The following DPP6 variants were observed in gnomAD, a reference collection of about 807,000 sequenced individuals.
DPP6 encodes A-type potassium channel modulatory protein DPP6.
In DPP6, 69 loss-of-function variants were observed where a neutral mutation model predicts 122.6. That is an observed-to-expected ratio of 0.56 (90% CI 0.46 to 0.69). DPP6 has a LOEUF of 0.69. DPP6 is among the 30% of genes least tolerant of loss of function. The pLI is 0.00. For missense variants in DPP6, 928 were observed against 1,116.9 expected, an observed-to-expected ratio of 0.83 and a Z score of 2.41; for synonymous variants, 418 against 433.1, an observed-to-expected ratio of 0.97 and a Z score of 0.43.
intron 8 of DPP6, among the ~76,000 whole-genome samples, chr7:154,751,561 G>A (rs1409569488): frequency 6.8e-6 from 1 of 147,434 alleles, no homozygotes; most frequent in Non-Finnish European, 1.5e-5. Context: ...AATGAGCTGA[G>A]ATCGTGCCAC....
intron 16 of DPP6, among the ~76,000 whole-genome samples, chr7:154,852,484 C>CTCTCCTGCT (rs1802484527): frequency 1.4e-5 from 2 of 146,990 alleles, no homozygotes; most frequent in African/African-American, 5.0e-5. Flanking sequence ...GCTCTCCTGC[C>CTCTCCTGCT]TCTCCTGCCT....
chr7:154,110,471 A>AT (rs1458387207), intron 1 of DPP6, among the ~76,000 whole-genome samples: 1 of 152,190 alleles, frequency 6.6e-6, no homozygotes, highest in Non-Finnish European at 1.5e-5. Flanking sequence ...TGAATATACA[A>AT]TAACAGCCAG....
chr7:154,587,944 C>T (rs1324411787), intron 5 of DPP6: 10 of 1,612,812 alleles, frequency 6.2e-6, no homozygotes, highest in African/African-American at 2.7e-5. Flanking sequence ...CACCAGGCTT[C>T]GCAGCCATGC....
intron 5 of DPP6, among the ~76,000 whole-genome samples, chr7:154,629,857 A>G (rs1835302000): frequency 6.6e-6 from 1 of 152,136 alleles, no homozygotes; most frequent in Middle Eastern, 3.2e-3. Flanking sequence ...CTGGGTAACA[A>G]TCTCAGTCAT....
At chr7:154,574,931 A>G (rs1443009036) in intron 5 of DPP6, among the ~76,000 whole-genome samples, 21 of 93,730 alleles carry the variant, frequency 2.2e-4, no homozygotes, top group African/African-American at 6.6e-4. Flanking sequence ...TGTTTGGTGT[A>G]TGTGTGTTGT....
intron 1 of DPP6, among the ~76,000 whole-genome samples, chr7:154,080,064 G>T (rs1396966254): frequency 4.0e-5 from 6 of 151,134 alleles, no homozygotes. Flanking sequence ...TGGGGGATGT[G>T]CAGGAGCTGT....
chr7:154,753,183 G>A (rs1286898569), intron 8 of DPP6, among the ~76,000 whole-genome samples: 4 of 152,164 alleles, frequency 2.6e-5, no homozygotes, highest in African/African-American at 9.7e-5. Flanking sequence ...AGTTTCTTTG[G>A]TGCTAAATTG....
chr7:154,545,505 T>A (rs569241766), intron 4 of DPP6, among the ~76,000 whole-genome samples: 1 of 142,002 alleles, frequency 7.0e-6, no homozygotes, highest in African/African-American at 2.5e-5. Flanking sequence ...CCATCCTTCC[T>A]TCCTTCCTTC....
At chr7:154,649,845 C>A (rs1836756957) in intron 6 of DPP6, among the ~76,000 whole-genome samples, 1 of 152,342 alleles carries the variant, frequency 6.6e-6, no homozygotes, top group South Asian at 2.1e-4. Flanking sequence ...AAGACAGACA[C>A]TCCCCATGGA....
At chr7:153,878,732 T>C in the DPP6 span, among the ~76,000 whole-genome samples, 25 of 152,282 alleles carry the variant, frequency 1.6e-4, no homozygotes, top group African/African-American at 5.5e-4. Context: ...TATTAAGTTG[T>C]AGACTTATGA....
rs539863307 is a variant in DPP6 at position 154,693,282 on chromosome 7, G to T, written c.762+23841G>T. Reference sequence around the variant, plus strand: ...AAGCAAACGCTGACGTGGCCGAGAAGGAAGGCCCTTACTATGAGGCTTCCG... The same window carrying T: ...AAGCAAACGCTGACGTGGCCGAGAATGAAGGCCCTTACTATGAGGCTTCCG... On this transcript the variant is annotated intron_variant, in intron 7 of 25. Transcript: ENST00000377770. Among the ~76,000 whole-genome samples, 5 of 152,284 alleles carry T rather than the reference G, an allele frequency of 3.3e-5. No homozygotes were observed. The South Asian group carries it at 1.0e-3, about 32-fold the overall frequency.
the DPP6 span, among the ~76,000 whole-genome samples, chr7:153,846,863 C>A: frequency 6.6e-6 from 1 of 151,674 alleles, no homozygotes; most frequent in Non-Finnish European, 1.5e-5. Flanking sequence ...TGGCTAATTT[C>A]TTTGTATTTT....
At chr7:153,947,725 G>A (rs1458092059) in intron 1 of DPP6, among the ~76,000 whole-genome samples, 2 of 152,104 alleles carry the variant, frequency 1.3e-5, no homozygotes, top group Admixed American at 6.5e-5. Context: ...TGATCGGTGG[G>A]AACCGCAGCA....
intron 1 of DPP6, among the ~76,000 whole-genome samples, chr7:154,434,368 G>T (rs1818690097): frequency 6.6e-6 from 1 of 152,140 alleles, no homozygotes. Flanking sequence ...TATCGTGCCT[G>T]CAGGGCCTTT....
chr7:154,572,147 T>G (rs1393098932), intron 5 of DPP6, among the ~76,000 whole-genome samples: 1 of 152,192 alleles, frequency 6.6e-6, no homozygotes, highest in Non-Finnish European at 1.5e-5. Context: ...GTTTTCATAT[T>G]TGATAAATTT....
intron 7 of DPP6, among the ~76,000 whole-genome samples, chr7:154,688,461 T>C (rs552021652): frequency 6.6e-6 from 1 of 152,304 alleles, no homozygotes; most frequent in East Asian, 1.9e-4. Context: ...GTAAATGTAA[T>C]TTTTAGAATT....
At chr7:154,384,740 T>TCTTTC (rs1226354029) in intron 1 of DPP6, among the ~76,000 whole-genome samples, 3 of 91,336 alleles carry the variant, frequency 3.3e-5, no homozygotes, top group African/African-American at 6.2e-5. Context: ...TTTCTTTCTT[T>TCTTTC]TATTTTTTTT....
At chr7:153,837,820 G>A in the DPP6 span, among the ~76,000 whole-genome samples, 2 of 138,640 alleles carry the variant, frequency 1.4e-5, no homozygotes, top group Non-Finnish European at 3.1e-5. Flanking sequence ...ACAGGCACCT[G>A]CCACCATGCC....
the DPP6 span, among the ~76,000 whole-genome samples, chr7:153,781,076 GT>G: frequency 1.3e-5 from 2 of 152,302 alleles, no homozygotes; most frequent in Admixed American, 1.3e-4. Context: ...GGACTGGACC[GT>G]TTTAGTCACT....
Sources: gnomAD v4.1 joint callset for allele counts (sites outside exome capture counted in the v4.1 genomes callset) on GRCh38, gnomAD v4.1.1 for gene constraint, MANE v1.5 for transcripts, NCBI Gene and HGNC (gene_info 2026-07-23, HGNC 2026-07-21) for gene names.